IPO11: variants seen among roughly 807,000 people sequenced by gnomAD.
IPO11 encodes importin 11, also known as importin-11.
Under a neutral mutation model 143.2 loss-of-function variants are expected in IPO11, and 66 were observed. The observed-to-expected ratio is 0.46, with a 90% CI of 0.38 to 0.57. The LOEUF is 0.57. IPO11 is among the 20% of genes least tolerant of loss of function. IPO11 has a pLI of 0.00. For missense variants in IPO11, 1,026 were observed against 1,141.0 expected (o/e 0.90, Z 1.45); for synonymous variants, 385 against 377.8 (o/e 1.02, Z -0.22).
intron 9 of IPO11, among the ~76,000 whole-genome samples, chr5:62,479,118 G>A (rs1333539064): frequency 6.6e-6 from 1 of 152,120 alleles, no homozygotes; most frequent in African/African-American, 2.4e-5. Context: ...CCCGGTGTGT[G>A]ATGTTCCCCA....
At chr5:62,452,704 TTTG>T (rs199510061) in intron 5 of IPO11, among the ~76,000 whole-genome samples, 2,596 of 140,366 alleles carry the variant, frequency 0.018, 220 homozygotes, top group African/African-American at 0.071. Context: ...GAGACAGGGT[TTTG>T]TTCTGTTTTT....
chr5:62,508,580 CTTCCTCCT>C (rs1741642747), intron 19 of IPO11, among the ~76,000 whole-genome samples: 1 of 151,446 alleles, frequency 6.6e-6, no homozygotes, highest in South Asian at 2.1e-4. Context: ...TTCTTCCTCC[CTTCCTCCT>C]TTCCTCCCTT....
chr5:62,461,612 T>C (rs1745359622), intron 5 of IPO11, among the ~76,000 whole-genome samples: 1 of 152,204 alleles, frequency 6.6e-6, no homozygotes, highest in African/African-American at 2.4e-5. Context: ...ATTAGAACTT[T>C]AAGAGATGCC....
In IPO11 at chr5:62,622,319, C is replaced by G. The variant is rs549883995; in HGVS notation, c.2764-4835C>G. On this transcript the variant is annotated intron_variant, in intron 29 of 29. Transcript: ENST00000325324. ...GACATCAGCATTTTTTAAAGTTCCCCAAATGATTCCCTTATGCTGCCAAGT... is the reference window on the plus strand; with the variant it reads ...GACATCAGCATTTTTTAAAGTTCCCGAAATGATTCCCTTATGCTGCCAAGT... Among the ~76,000 whole-genome samples, 391 of 152,168 alleles carry G rather than the reference C, an allele frequency of 2.6e-3. 2 individuals carry two copies. The highest frequency in any genetic ancestry group is 0.024 in the Middle Eastern group (7 of 294).
chr5:62,508,147 G>A (rs1472727821), intron 19 of IPO11, among the ~76,000 whole-genome samples: 2 of 151,958 alleles, frequency 1.3e-5, no homozygotes, highest in Non-Finnish European at 2.9e-5. Context: ...TCTTTTTTGA[G>A]ATGAAGTCTT....
intron 28 of IPO11, among the ~76,000 whole-genome samples, chr5:62,600,577 C>T (rs1211144286): frequency 1.3e-5 from 2 of 152,168 alleles, no homozygotes; most frequent in African/African-American, 4.8e-5. Context: ...GGGATGTAGA[C>T]CTTTTTAAGA....
At chr5:62,463,904 A>C (rs904499477) in intron 5 of IPO11, among the ~76,000 whole-genome samples, 2 of 151,082 alleles carry the variant, frequency 1.3e-5, no homozygotes, top group Non-Finnish European at 2.9e-5. Flanking sequence ...GCTCAGTGCA[A>C]CCTCCACCTC....
chr5:62,491,666 GTTTT>G (rs372842718), intron 15 of IPO11, among the ~76,000 whole-genome samples: 1 of 140,034 alleles, frequency 7.1e-6, no homozygotes, highest in African/African-American at 2.6e-5. Flanking sequence ...ATATTAATAA[GTTTT>G]TTTTTTTTTT....
chr5:62,512,869 C>T (rs1385256941), intron 19 of IPO11, among the ~76,000 whole-genome samples: 2 of 143,360 alleles, frequency 1.4e-5, no homozygotes, highest in Non-Finnish European at 3.1e-5. Flanking sequence ...TGAGTGGACA[C>T]AGCACATATT....
intron 29 of IPO11, among the ~76,000 whole-genome samples, chr5:62,626,663 C>A (rs1425229895): frequency 6.8e-6 from 1 of 148,118 alleles, no homozygotes; most frequent in African/African-American, 2.5e-5. Context: ...ACGAGGAGTC[C>A]CTTTTTTTTT....
At chr5:62,586,491 G>T (rs1190848444) in intron 27 of IPO11, among the ~76,000 whole-genome samples, 1 of 151,972 alleles carries the variant, frequency 6.6e-6, no homozygotes. Context: ...AACATGAACA[G>T]AGTTGGCCTT....
rs548790954 is a variant in IPO11, at chr5:62,474,571, A to G, written c.757+107A>G. On this transcript the variant is annotated intron_variant, in intron 8 of 29. Coordinates refer to ENST00000325324, the MANE Select transcript of IPO11 (RefSeq NM_016338.5). ...ATGAGGGATTAATAGATGCTTATTC[A>G]TTAATAGCTTCTGTTGCACACTTAT... The G allele has an allele frequency of 1.2e-4, 92 of 793,686 alleles. 1 individual carries two copies. In the South Asian group the frequency reaches 1.5e-3, roughly 13 times the overall value. 49.2% of individuals were successfully genotyped at this position (793,686 alleles called of 1,614,324 possible).
chr5:62,436,664 T>G (rs775422236), intron 1 of IPO11, among the ~76,000 whole-genome samples: 2 of 152,202 alleles, frequency 1.3e-5, no homozygotes, highest in Non-Finnish European at 2.9e-5. Context: ...CCTTTCTGAC[T>G]TAGGTTTTAG....
chr5:62,522,398 C>A (rs1742232649), intron 20 of IPO11, among the ~76,000 whole-genome samples: 1 of 152,026 alleles, frequency 6.6e-6, no homozygotes, highest in Non-Finnish European at 1.5e-5. Flanking sequence ...GATCCTCCTG[C>A]CTCAGCCTCC....
intron 26 of IPO11, among the ~76,000 whole-genome samples, chr5:62,553,366 T>C (rs977661086): frequency 1.4e-5 from 2 of 143,612 alleles, no homozygotes; most frequent in African/African-American, 5.6e-5. Context: ...GTGTGTGTGA[T>C]ATTTTCTGTA....
chr5:62,539,387 TTG>T (rs150644272), intron 24 of IPO11, among the ~76,000 whole-genome samples: 1 of 152,322 alleles, frequency 6.6e-6, no homozygotes, highest in East Asian at 1.9e-4. Flanking sequence ...TTTGTTTTTG[TTG>T]TTGCAGGGAC....
rs192925857 is a variant in IPO11, at chr5:62,573,627, G to A, written c.2582+12370G>A. On this transcript the variant is annotated intron_variant, in intron 27 of 29. Coordinates refer to ENST00000325324, the MANE Select transcript of IPO11 (RefSeq NM_016338.5). ...TCAAAATAATGGAGATTAAATGGTA[G>A]AAGTTCTGTCAAATCCAAGCTATAA... is the stretch of plus-strand genomic sequence containing the variant. Among the ~76,000 whole-genome samples the A allele has an allele frequency of 2.0e-3, 308 of 152,334 alleles. 2 individuals carry two copies. Among genetic ancestry groups the A allele is most frequent in the African/African-American group, 7.2e-3 (301 of 41,576 alleles).
At position 62,436,689 on chromosome 5, in the gene IPO11, G is replaced by T. The variant is rs576492113; in HGVS notation, c.-6-585G>T. Among the ~76,000 whole-genome samples, 4 of 152,218 alleles carry T rather than the reference G, an allele frequency of 2.6e-5. No individual in the cohort carries two copies. In the South Asian group the frequency reaches 8.3e-4, roughly 32 times the overall value. ...TTAGGTTTTAGATTTTTGTTTAATA[G>T]GTCAGTTTGGCTTTTTTCCCCATAG... On this transcript the variant is annotated intron_variant, in intron 1 of 29. Transcript: ENST00000325324.
At chr5:62,527,625 T>C (rs1742410797) in intron 21 of IPO11, among the ~76,000 whole-genome samples, 2 of 152,196 alleles carry the variant, frequency 1.3e-5, no homozygotes, top group South Asian at 4.1e-4. Context: ...GACAATATAT[T>C]AATGTGTTAT....
Sources: allele counts gnomAD v4.1 joint callset (sites outside exome capture counted in the v4.1 genomes callset), GRCh38; gene constraint gnomAD v4.1.1; transcripts MANE v1.5; gene names NCBI Gene and HGNC (gene_info 2026-07-23, HGNC 2026-07-21).